Variants in DCC observed in about 807,000 individuals in gnomAD.
DCC encodes netrin receptor DCC.
DCC carries 58 observed loss-of-function variants against 172.5 expected under a neutral mutation model. The observed-to-expected ratio is 0.34, with a 90% CI of 0.27 to 0.42. DCC has a LOEUF of 0.42. Among genes scored for constraint, DCC ranks in the 10% least tolerant of loss-of-function variants. DCC has a pLI of 1.00. For missense variants in DCC, 1,740 were observed against 1,791.0 expected (o/e 0.97, Z 0.51); for synonymous variants, 709 against 644.5 (o/e 1.10, Z -1.52).
intron 25 of DCC, among the ~76,000 whole-genome samples, chr18:53,477,836 AC>A (rs1364632055): frequency 4.6e-5 from 7 of 152,200 alleles, no homozygotes; most frequent in African/African-American, 1.7e-4. Context: ...CTCATGAAAA[AC>A]ATGCCAGCTG....
intron 9 of DCC, among the ~76,000 whole-genome samples, chr18:53,204,784 C>G (rs930447428): frequency 7.2e-5 from 11 of 152,118 alleles, no homozygotes; most frequent in Admixed American, 1.3e-4. Context: ...GCTGTGCGAC[C>G]TATTTTAATT....
chr18:52,818,619 A>G (rs556240420), intron 2 of DCC, among the ~76,000 whole-genome samples: 1 of 152,298 alleles, frequency 6.6e-6, no homozygotes, highest in Admixed American at 6.5e-5. Context: ...AAGGAACCCA[A>G]AACAGGTGAA....
At chr18:53,258,531 T>A (rs970127527) in intron 12 of DCC, among the ~76,000 whole-genome samples, 1 of 152,078 alleles carries the variant, frequency 6.6e-6, no homozygotes, top group African/African-American at 2.4e-5. Context: ...TTTGAGTGAG[T>A]TTCTTAATCC....
chr18:52,659,844 G>A (rs1439845570), intron 1 of DCC, among the ~76,000 whole-genome samples: 2 of 152,046 alleles, frequency 1.3e-5, no homozygotes, highest in African/African-American at 4.8e-5. Flanking sequence ...CGTGACCATG[G>A]ATAACAGGAG....
At chr18:53,428,763 TTATA>T (rs1204066763) in intron 21 of DCC, among the ~76,000 whole-genome samples, 2 of 55,404 alleles carry the variant, frequency 3.6e-5, no homozygotes, top group East Asian at 9.6e-4. Flanking sequence ...ATATAATAAA[TTATA>T]TATTATATAT....
intron 11 of DCC, among the ~76,000 whole-genome samples, chr18:53,209,304 T>G (rs2055708640): frequency 1.3e-5 from 2 of 152,156 alleles, no homozygotes. Flanking sequence ...TACATCAAAG[T>G]ATATGATGTG....
intron 2 of DCC, among the ~76,000 whole-genome samples, chr18:52,905,561 C>T (rs2039869477): frequency 6.6e-6 from 1 of 152,148 alleles, no homozygotes; most frequent in African/African-American, 2.4e-5. Context: ...CTTGAAGCTG[C>T]TCTAGGTCAT....
At chr18:53,012,071 G>A (rs954388599) in intron 5 of DCC, among the ~76,000 whole-genome samples, 4 of 151,740 alleles carry the variant, frequency 2.6e-5, no homozygotes, top group African/African-American at 9.7e-5. Context: ...TGGAAGAGCT[G>A]GTGTGCACGT....
intron 2 of DCC, among the ~76,000 whole-genome samples, chr18:52,823,853 CTT>C (rs1270860113): frequency 1.3e-5 from 2 of 152,108 alleles, no homozygotes; most frequent in Non-Finnish European, 2.9e-5. Flanking sequence ...CAACATAAAA[CTT>C]TTATGTCCAG....
chr18:52,439,178 G>A (rs930075704), intron 1 of DCC, among the ~76,000 whole-genome samples: 11 of 149,498 alleles, frequency 7.4e-5, no homozygotes, highest in African/African-American at 2.0e-4. Flanking sequence ...TATGTTTTGT[G>A]TGTGTGTGTG....
At chr18:52,516,066 C>T (rs1002729383) in intron 1 of DCC, among the ~76,000 whole-genome samples, 1 of 151,936 alleles carries the variant, frequency 6.6e-6, no homozygotes, top group Non-Finnish European at 1.5e-5. Context: ...CACTACACAC[C>T]TAACAGAATA....
intron 7 of DCC, among the ~76,000 whole-genome samples, chr18:53,098,459 A>G (rs2043117923): frequency 1.3e-5 from 2 of 152,038 alleles, no homozygotes; most frequent in East Asian, 1.9e-4. Context: ...TGACCTTGAG[A>G]CTTTTGAAGA....
chr18:52,903,229 A>C (rs1362894640), intron 2 of DCC, among the ~76,000 whole-genome samples: 1 of 152,158 alleles, frequency 6.6e-6, no homozygotes, highest in Admixed American at 6.5e-5. Context: ...TTTTTGAGAC[A>C]GGTTCTCACT....
chr18:53,462,819 G>A (rs959146052), intron 24 of DCC, among the ~76,000 whole-genome samples: 3 of 152,092 alleles, frequency 2.0e-5, no homozygotes, highest in African/African-American at 7.2e-5. Flanking sequence ...TGAGGCCTCT[G>A]GGAAATTCCA....
intron 1 of DCC, among the ~76,000 whole-genome samples, chr18:52,353,547 G>C (rs1984224340): frequency 6.6e-6 from 1 of 152,190 alleles, no homozygotes; most frequent in Non-Finnish European, 1.5e-5. Context: ...GGTCTTCAGG[G>C]CATGAAACAG....
intron 27 of DCC, among the ~76,000 whole-genome samples, chr18:53,506,650 G>A (rs2046180316): frequency 6.6e-6 from 1 of 152,052 alleles, no homozygotes; most frequent in African/African-American, 2.4e-5. Flanking sequence ...CTGAGCTCAG[G>A]AGTTCAAGAC....
intron 27 of DCC, among the ~76,000 whole-genome samples, chr18:53,500,214 G>A (rs566801808): frequency 6.6e-6 from 1 of 152,200 alleles, no homozygotes; most frequent in Admixed American, 6.5e-5. Context: ...GGGTTGAGGA[G>A]GGGGAGAGAG....
chr18:52,506,581 G>T (rs1203043505), intron 1 of DCC, among the ~76,000 whole-genome samples: 1 of 151,990 alleles, frequency 6.6e-6, no homozygotes, highest in African/African-American at 2.4e-5. Flanking sequence ...TAAACCAAAG[G>T]TATTTGCCTA....
chr18:53,353,901 T>A (rs2057843445), intron 15 of DCC, among the ~76,000 whole-genome samples: 1 of 152,200 alleles, frequency 6.6e-6, no homozygotes, highest in African/African-American at 2.4e-5. Context: ...GTATCTCTCC[T>A]AATGCTATCC....
Sources: allele counts gnomAD v4.1 joint callset (sites outside exome capture counted in the v4.1 genomes callset), GRCh38; gene constraint gnomAD v4.1.1; transcripts MANE v1.5; gene names NCBI Gene and HGNC (gene_info 2026-07-23, HGNC 2026-07-21).